The following HOXA13 variants were observed in gnomAD, a reference collection of about 807,000 sequenced individuals.
HOXA13 encodes homeobox A13.
A neutral mutation model predicts 25.7 loss-of-function variants in HOXA13; 5 were observed. The ratio of observed to expected loss-of-function variants is 0.19; its 90% CI spans 0.10 to 0.41. HOXA13 has a LOEUF of 0.41. Among genes scored for constraint, HOXA13 ranks in the 10% least tolerant of loss-of-function variants. The probability of loss-of-function intolerance (pLI) is 1.00; values close to 1 mark genes in which losing one functional copy is unlikely to be tolerated. For missense variants in HOXA13, 557 were observed against 533.5 expected, an observed-to-expected ratio of 1.04 and a Z score of -0.43; for synonymous variants, 284 against 241.1, an observed-to-expected ratio of 1.18 and a Z score of -1.65.
Position 27,196,018 on chromosome 7 carries a change from T to G in HOXA13, c.*2180A>C, listed in dbSNP as rs575688444. The stretch of plus-strand genomic sequence containing the variant: ...CAGAGCAAGCCACTGTGAAGACAAA[T>G]CAAATTTGGCCATTAGAGAAAAGGA... On this transcript the variant is annotated 3_prime_UTR_variant, in exon 2 of 2. Transcript: ENST00000649031. 5.3e-5 allele frequency: 8 copies of G among 152,318 alleles called. No individual in the cohort carries two copies. The South Asian group carries it at 1.0e-3, about 20-fold the overall frequency. 9.4% of individuals were successfully genotyped at this position (152,318 alleles called of 1,614,324 possible).
At chr7:27,198,513 C>G in intron 1 of HOXA13, 71 bp from the exon 2 acceptor site, 2 of 1,594,924 alleles carry the variant, frequency 1.3e-6, no homozygotes, top group Non-Finnish European at 1.7e-6. Context: ...ACAGCTCGAT[C>G]TGAGCCACCC....
Position 27,197,846 on chromosome 7 carries a change from C to A in HOXA13, c.*352G>T, listed in dbSNP as rs1784022293. On this transcript the variant is annotated 3_prime_UTR_variant, in exon 2 of 2. Coordinates refer to ENST00000649031, the MANE Select transcript of HOXA13 (RefSeq NM_000522.5). ...TTGTAACCAACTTCCAGATTATTAC[C>A]ATCTAACGCAGTGTCCTAAAATGTA... The A allele has an allele frequency of 5.4e-6, 2 of 369,912 alleles. No homozygotes were observed. The highest frequency in any genetic ancestry group is 6.7e-5 in the South Asian group (2 of 29,926). The allele number at this position is 369,912 out of a possible 1,614,324, so 22.9% of individuals were successfully genotyped here.
rs939998894 is a variant in HOXA13 at position 27,196,416 on chromosome 7, T to G, written c.*1782A>C. On this transcript the variant is annotated 3_prime_UTR_variant, in exon 2 of 2. Transcript: ENST00000649031. ...TACTAATCCAGCTAAGGCCAATTCATGAGCTGTCAAAAGTCAAGGTCACAA... is the reference window on the plus strand; with the variant it reads ...TACTAATCCAGCTAAGGCCAATTCAGGAGCTGTCAAAAGTCAAGGTCACAA... 6.6e-6 allele frequency: 1 copy of G among 152,218 alleles called. No homozygotes were observed. Among genetic ancestry groups the G allele is most frequent in the Non-Finnish European group, 1.5e-5 (1 of 68,042 alleles). 9.4% of individuals were successfully genotyped at this position (152,218 alleles called of 1,614,324 possible).
chr7:27,198,566 C>A (rs1039761331), intron 1 of HOXA13, 124 bp from the exon 2 acceptor site: 10 of 1,157,146 alleles, frequency 8.6e-6, no homozygotes, highest in Non-Finnish European at 1.3e-5. Context: ...GCTGTACAAT[C>A]CTGTCTTCTG....
In HOXA13 at chr7:27,199,945, C is replaced by G; in HGVS notation, c.133G>C (p.Ala45Pro). 1.5e-6 allele frequency: 2 copies of G among 1,316,714 alleles called. No individual in the cohort carries two copies. Among genetic ancestry groups the G allele is most frequent in the Non-Finnish European group, 2.0e-6 (2 of 1,011,510 alleles). The allele number at this position is 1,316,714 out of a possible 1,614,324, so 81.6% of individuals were successfully genotyped here. A position where few individuals can be genotyped will look rare whatever the true frequency, so the allele number is the denominator to read the frequency against. The stretch of plus-strand genomic sequence containing the variant: ...GCCCCGGCAGCCGCCGCCGCTGCAG[C>G]CGCTGCTGCAGCCGCCGCCGCCCCT... ...MEGAAAAAAAAAAAAAAGAGG... is the reference protein window; with the variant it reads ...MEGAAAAAAAPAAAAAAGAGG... Residue 45 changes from alanine (A) to proline (P), a missense_variant, in exon 1 of 2, where the codon GCT becomes CCT. Coordinates refer to ENST00000649031, the MANE Select transcript of HOXA13 (RefSeq NM_000522.5).
Position 27,199,839 on chromosome 7 carries a change from G to A in HOXA13, c.239C>T (p.Ala80Val), listed in dbSNP as rs1434029993. 3.0e-6 allele frequency: 3 copies of A among 989,636 alleles called. No individual in the cohort carries two copies. Among genetic ancestry groups the A allele is most frequent in the Non-Finnish European group, 3.6e-6 (3 of 833,368 alleles). 61.3% of individuals were successfully genotyped at this position (989,636 alleles called of 1,614,324 possible). ...GCGGCACTGGTTGGCCGCGGCCGCC[G>A]CCGCAGCCGCGGCCGCCGCCGCCAC... The part of the protein sequence containing the change: ...FSVAAAAAAA[A>V]AAAANQCRNL... Residue 80 changes from alanine to valine, a missense_variant, in exon 1 of 2, where the codon GCG becomes GTG. Ala to Val is a moderately conservative substitution (Grantham distance 64). Coordinates refer to ENST00000649031, the MANE Select transcript of HOXA13 (RefSeq NM_000522.5).
rs1254158162 is a variant in HOXA13 at position 27,198,402 on chromosome 7, C to A, written c.963G>T (p.Arg321Ser). 3 of 1,614,140 alleles carry A rather than the reference C, an allele frequency of 1.9e-6. No homozygotes were observed. The highest frequency in any genetic ancestry group is 2.5e-6 in the Non-Finnish European group (3 of 1,180,022). ...TATAAGGCACGCGCTTCTTTCTCCC[C>A]CTCCTATAGGAGCTGGCATCCGAGG... ...SHPSDASSYR[R>S]GRKKRVPYTK... Residue 321 changes from arginine (R) to serine (S), a missense_variant, in exon 2 of 2, where the codon AGG (arginine) becomes AGT (serine). Arg to Ser is a moderately radical substitution (Grantham distance 110). Transcript: ENST00000649031.
Position 27,196,292 on chromosome 7 carries a change from T to C in HOXA13, c.*1906A>G, listed in dbSNP as rs921752667. On this transcript the variant is annotated 3_prime_UTR_variant, in exon 2 of 2. Transcript: ENST00000649031. Reference sequence around the variant, plus strand: ...TTTGCTCCAGCTGGAGCCAAATAATTGAGTACTGAATCTCTAAAGTCAAGG... The same window carrying C: ...TTTGCTCCAGCTGGAGCCAAATAATCGAGTACTGAATCTCTAAAGTCAAGG... The C allele has an allele frequency of 6.6e-6, 1 of 152,160 alleles. No individual in the cohort carries two copies. Among genetic ancestry groups the C allele is most frequent in the Non-Finnish European group, 1.5e-5 (1 of 68,014 alleles). The allele number at this position is 152,160 out of a possible 1,614,324, so 9.4% of individuals were successfully genotyped here.
chr7:27,198,361 T>C lies in HOXA13; in HGVS notation c.1004A>G (p.Lys335Arg). Residue 335 changes from lysine to arginine, a missense_variant, in exon 2 of 2, where the codon AAA becomes AGA. Coordinates refer to ENST00000649031, the MANE Select transcript of HOXA13 (RefSeq NM_000522.5). ...CGTGGCGTATTCCCGTTCAAGTTCT[T>C]TTAATTGCACCTTGGTATAAGGCAC... ...KRVPYTKVQL[K>R]ELEREYATNK... 6.2e-7 allele frequency: 1 copy of C among 1,614,246 alleles called. No individual in the cohort carries two copies. Among genetic ancestry groups the C allele is most frequent in the Middle Eastern group, 1.6e-4 (1 of 6,062 alleles).
In HOXA13 at chr7:27,199,975, T is replaced by C. The variant is rs1466539613; in HGVS notation, c.103A>G (p.Met35Val). ...GCTGCAGCCGCCGCCGCCCCTTCCATGTTCTTGTTGAGCTCGTCGGCCACC... is the reference window on the plus strand; with the variant it reads ...GCTGCAGCCGCCGCCGCCCCTTCCACGTTCTTGTTGAGCTCGTCGGCCACC... Reference protein sequence around the residue: ...GLVADELNKNMEGAAAAAAAA... With the variant: ...GLVADELNKNVEGAAAAAAAA... Residue 35 changes from methionine (M) to valine (V), a missense_variant, in exon 1 of 2, where the codon ATG becomes GTG. Coordinates refer to ENST00000649031, the MANE Select transcript of HOXA13 (RefSeq NM_000522.5). The C allele has an allele frequency of 2.8e-6, 4 of 1,421,154 alleles. No homozygotes were observed. The highest frequency in any genetic ancestry group is 3.3e-5 in the East Asian group (1 of 30,218). The allele number at this position is 1,421,154 out of a possible 1,614,324, so 88.0% of individuals were successfully genotyped here. A position where few individuals can be genotyped will look rare whatever the true frequency, so the allele number is the denominator to read the frequency against.
Position 27,199,513 on chromosome 7 carries a change from T to G in HOXA13, c.565A>C (p.Asn189His). The change falls in exon 1 of 2, where the codon AAC becomes CAC. Residue 189 changes from asparagine (N) to histidine (H), a missense_variant. Asn to His is a moderately conservative substitution (Grantham distance 68, BLOSUM62 1). Transcript: ENST00000649031. ...GGCTGCGCGCACGACTTGATGGCGT[T>G]GGGGTGCGGGCCCATGCGGGCGCAC... ...YPCARMGPHP[N>H]AIKSCAQPAS... 1 of 1,599,468 alleles carries G rather than the reference T, an allele frequency of 6.3e-7. No individual in the cohort carries two copies. Among genetic ancestry groups the G allele is most frequent in the Non-Finnish European group, 8.5e-7 (1 of 1,174,548 alleles).
At position 27,199,856 on chromosome 7, in the gene HOXA13, C is replaced by A; in HGVS notation, c.222G>T (p.Ala74=). The A allele has an allele frequency of 1.0e-6, 1 of 1,003,280 alleles. No individual in the cohort carries two copies. Among genetic ancestry groups the A allele is most frequent in the Middle Eastern group, 4.9e-4 (1 of 2,046 alleles). 62.1% of individuals were successfully genotyped at this position (1,003,280 alleles called of 1,614,324 possible). A position where few individuals can be genotyped will look rare whatever the true frequency, so the allele number is the denominator to read the frequency against. ...AAAGGNFSVA[A]AAAAAAAAAA... ...CGGCCGCCGCCGCAGCCGCGGCCGCCGCCGCCACCGAGAAGTTGCCCCCTG... is the reference window on the plus strand; with the variant it reads ...CGGCCGCCGCCGCAGCCGCGGCCGCAGCCGCCACCGAGAAGTTGCCCCCTG... Residue 74 remains alanine (A), a synonymous_variant, in exon 1 of 2, where the codon GCG becomes GCT. Transcript: ENST00000649031.
In HOXA13 at chr7:27,199,759, T is replaced by C; in HGVS notation, c.319A>G (p.Ser107Gly). 1 of 1,004,526 alleles carries C rather than the reference T, an allele frequency of 1.0e-6. No homozygotes were observed. Among genetic ancestry groups the C allele is most frequent in the Non-Finnish European group, 1.2e-6 (1 of 840,808 alleles). The allele number at this position is 1,004,526 out of a possible 1,614,324, so 62.2% of individuals were successfully genotyped here. Residue 107 changes from serine to glycine, a missense_variant, in exon 1 of 2, where the codon AGC (serine) becomes GGC (glycine). Physicochemically the swap from Ser to Gly is moderately conservative, Grantham distance 56. Transcript: ENST00000649031. ...GACGGGGGCGCCTCCCCGGGGGCGC[T>C]GCTGTAGGCGGACGCGGCTCCTGGC... ...LAPGAASAYS[S>G]APGEAPPSAA...
chr7:27,197,578 T>C lies in HOXA13; in HGVS notation c.*620A>G, dbSNP rs1474450855. On this transcript the variant is annotated 3_prime_UTR_variant, in exon 2 of 2. Coordinates refer to ENST00000649031, the MANE Select transcript of HOXA13 (RefSeq NM_000522.5). ...GAAAGGTTCAGCTGGTTGGTTTTACTATACTACCAAGACAAATGATCCTCA... is the reference window on the plus strand; with the variant it reads ...GAAAGGTTCAGCTGGTTGGTTTTACCATACTACCAAGACAAATGATCCTCA... 1 of 220,192 alleles carries C rather than the reference T, an allele frequency of 4.5e-6. No individual in the cohort carries two copies. The highest frequency in any genetic ancestry group is 2.2e-5 in the African/African-American group (1 of 44,574). 13.6% of individuals were successfully genotyped at this position (220,192 alleles called of 1,614,324 possible). A position where few individuals can be genotyped will look rare whatever the true frequency, so the allele number is the denominator to read the frequency against.
In HOXA13 at chr7:27,196,707, G is replaced by A. The variant is rs2115470033; in HGVS notation, c.*1491C>T. ...TCCTTGAAGCACTTATCATTTTTTA[G>A]GATTTTAGTTATGAGGGATTTCTCC... On this transcript the variant is annotated 3_prime_UTR_variant, in exon 2 of 2. Transcript: ENST00000649031. The A allele has an allele frequency of 6.4e-6, 1 of 155,212 alleles. No homozygotes were observed. Among genetic ancestry groups the A allele is most frequent in the Middle Eastern group, 3.2e-3 (1 of 310 alleles). The allele number at this position is 155,212 out of a possible 1,614,324, so 9.6% of individuals were successfully genotyped here. A position where few individuals can be genotyped will look rare whatever the true frequency, so the allele number is the denominator to read the frequency against.
chr7:27,198,412 G>C lies in HOXA13; in HGVS notation c.953C>G (p.Ser318Cys), dbSNP rs146259736. ...GCGCTTCTTTCTCCCCCTCCTATAG[G>C]AGCTGGCATCCGAGGGATGGGAGAC... ...DVVSHPSDAS[S>C]YRRGRKKRVP... The change falls in exon 2 of 2, where the codon TCC (serine) becomes TGC (cysteine). Residue 318 changes from serine (S) to cysteine (C), a missense_variant. Transcript: ENST00000649031. 5 of 1,613,968 alleles carry C rather than the reference G, an allele frequency of 3.1e-6. No individual in the cohort carries two copies. The African/African-American group carries it at 6.7e-5, about 22-fold the overall frequency.
rs867995870 is a variant in HOXA13, at chr7:27,196,314, A to C, written c.*1884T>G. ...AATTGAGTACTGAATCTCTAAAGTC[A>C]AGGAGGTAAGAGCTCTTGATTCCCT... On this transcript the variant is annotated 3_prime_UTR_variant, in exon 2 of 2. Transcript: ENST00000649031. 6.6e-6 allele frequency: 1 copy of C among 152,192 alleles called. No homozygotes were observed. The highest frequency in any genetic ancestry group is 2.1e-4 in the South Asian group (1 of 4,830). 9.4% of individuals were successfully genotyped at this position (152,192 alleles called of 1,614,324 possible). A position where few individuals can be genotyped will look rare whatever the true frequency, so the allele number is the denominator to read the frequency against.
rs1194685153 is a variant in HOXA13, at chr7:27,199,353, T to G, written c.725A>C (p.His242Pro). The change falls in exon 1 of 2, where the codon CAC (histidine) becomes CCC (proline). Residue 242 changes from histidine to proline, a missense_variant. Coordinates refer to ENST00000649031, the MANE Select transcript of HOXA13 (RefSeq NM_000522.5). ...CAGGTAGCCAGGCATGGGCTGATGG[T>G]GGTGGTAAGGCCCGGCTGCGTAGCC... ...HQGYAAGPYH[H>P]HQPMPGYLDM... The G allele has an allele frequency of 6.2e-7, 1 of 1,613,610 alleles. No individual in the cohort carries two copies. The highest frequency in any genetic ancestry group is 2.2e-5 in the East Asian group (1 of 44,808).
Position 27,196,599 on chromosome 7 carries a change from A to G in HOXA13, c.*1599T>C, listed in dbSNP as rs1195259657. The G allele has an allele frequency of 6.6e-6, 1 of 152,214 alleles. No individual in the cohort carries two copies. The highest frequency in any genetic ancestry group is 1.9e-4 in the East Asian group (1 of 5,204). The allele number at this position is 152,214 out of a possible 1,614,324, so 9.4% of individuals were successfully genotyped here. On this transcript the variant is annotated 3_prime_UTR_variant, in exon 2 of 2. Coordinates refer to ENST00000649031, the MANE Select transcript of HOXA13 (RefSeq NM_000522.5). ...TGCTGCTACAAAACAACTGGTTTTCATTTTCCACAGGGAGCCTGGGAATTC... is the reference window on the plus strand; with the variant it reads ...TGCTGCTACAAAACAACTGGTTTTCGTTTTCCACAGGGAGCCTGGGAATTC...
Sources: allele counts gnomAD v4.1 joint callset, GRCh38; gene constraint gnomAD v4.1.1; transcripts MANE v1.5; gene names NCBI Gene and HGNC (gene_info 2026-07-23, HGNC 2026-07-21).